The following XKR5 variants were observed in gnomAD, a reference collection of about 807,000 sequenced individuals.
The protein encoded by XKR5 is XK-related protein 5.
XKR5 carries 46 observed loss-of-function variants against 40.8 expected under a neutral mutation model. The ratio of observed to expected loss-of-function variants is 1.13; its 90% CI spans 0.89 to 1.44. The LOEUF (loss-of-function observed/expected upper bound fraction) is 1.44, where lower values mean the gene tolerates loss of function less well. XKR5 is among the 40% of genes most tolerant of loss of function. The pLI is 0.00. For synonymous variants in XKR5, 466 were observed against 356.1 expected, an observed-to-expected ratio of 1.31 and a Z score of -3.48; for missense variants, 1,169 against 844.7, an observed-to-expected ratio of 1.38 and a Z score of -4.76.
At chr8:6,821,827 G>A in intron 5 of XKR5, 42 bp downstream of exon 5, 1 of 1,586,114 alleles carries the variant, frequency 6.3e-7, no homozygotes, top group Non-Finnish European at 8.6e-7. Flanking sequence ...CCCACTTGCT[G>A]TATACACTGT....
intron 6 of XKR5, among the ~76,000 whole-genome samples, chr8:6,815,013 G>A (rs1280226661): frequency 6.6e-6 from 1 of 152,226 alleles, no homozygotes; most frequent in Non-Finnish European, 1.5e-5. Flanking sequence ...GGGAGGGCAG[G>A]AGTTGTTGCA....
chr8:6,830,095 T>G (rs992772251), intron 2 of XKR5, among the ~76,000 whole-genome samples: 1 of 151,704 alleles, frequency 6.6e-6, no homozygotes, highest in South Asian at 2.1e-4. Flanking sequence ...CCTCGGCCTC[T>G]CAAAGTGCTG....
At chr8:6,824,010 T>G (rs566940084) in intron 3 of XKR5, among the ~76,000 whole-genome samples, 7 of 152,340 alleles carry the variant, frequency 4.6e-5, no homozygotes, top group Admixed American at 3.9e-4. Context: ...GGCTGGACTC[T>G]TCCTTTCTAC....
At chr8:6,815,180 C>G (rs1455500264) in intron 6 of XKR5, among the ~76,000 whole-genome samples, 1 of 152,196 alleles carries the variant, frequency 6.6e-6, no homozygotes, top group African/African-American at 2.4e-5. Flanking sequence ...TCGCACCTTT[C>G]AAGTGGGGGG....
At position 6,823,639 on chromosome 8, in the gene XKR5, G is replaced by T. The variant is rs559310588; in HGVS notation, c.519C>A (p.Ala173=). The T allele has an allele frequency of 4.4e-6, 7 of 1,592,996 alleles. No individual in the cohort carries two copies. The African/African-American group carries it at 6.7e-5, about 15-fold the overall frequency. ...GGCAGAAGAGGGCGGCCCATGGCAT[G>T]GCCAGGTGGCCTGGCTTCATGAAGC... is the stretch of plus-strand genomic sequence containing the variant. ...FMGFMKPGHL[A]MPWAALFCQQ... Residue 173 remains alanine (A), a synonymous_variant, in exon 4 of 7, where the codon GCC becomes GCA. Coordinates refer to ENST00000618742, the MANE Select transcript of XKR5 (RefSeq NM_207411.5).
chr8:6,834,108 C>G (rs986324451), intron 1 of XKR5, among the ~76,000 whole-genome samples: 7 of 152,186 alleles, frequency 4.6e-5, no homozygotes, highest in African/African-American at 7.2e-5. Context: ...AACTCTGGGC[C>G]TCCCCAATAC....
At chr8:6,830,843 G>C (rs2978903) in intron 2 of XKR5, among the ~76,000 whole-genome samples, 66,353 of 151,974 alleles carry the variant, frequency 0.44, 16,370 homozygotes, top group Middle Eastern at 0.56. Flanking sequence ...AGAAAATTAA[G>C]AGTGCATGGG....
intron 3 of XKR5, among the ~76,000 whole-genome samples, chr8:6,824,649 G>T (rs1350435414): frequency 1.3e-5 from 2 of 152,128 alleles, no homozygotes; most frequent in African/African-American, 4.8e-5. Context: ...TACCACCTCA[G>T]CCTCTTGAAT....
rs143703803 is a variant in XKR5 at position 6,824,737 on chromosome 8, G to T, written c.427+428C>A. Among the ~76,000 whole-genome samples the T allele has an allele frequency of 1.6e-4, 25 of 152,158 alleles. 1 individual carries two copies. In the East Asian group the frequency reaches 4.8e-3, roughly 29 times the overall value. On this transcript the variant is annotated intron_variant, in intron 3 of 6. Coordinates refer to ENST00000618742, the MANE Select transcript of XKR5 (RefSeq NM_207411.5). ...GGTAGAGATGGGTTTTTGCCTGGCT[G>T]GTCTTGAGCTCCTGGGCTCAAGCAA...
intron 1 of XKR5, among the ~76,000 whole-genome samples, chr8:6,834,495 G>C (rs1274697762): frequency 1.3e-5 from 2 of 152,202 alleles, no homozygotes; most frequent in Non-Finnish European, 2.9e-5. Context: ...AGGACACCTG[G>C]GGTGGGTGCC....
In XKR5 at chr8:6,825,365, G is replaced by C; in HGVS notation, c.243-16C>G. On this transcript the variant is annotated splice_polypyrimidine_tract_variant and intron_variant, in intron 2 of 6. Coordinates refer to ENST00000618742, the MANE Select transcript of XKR5 (RefSeq NM_207411.5). ...GTCCCAGTGCCTAGGGAACAGCAGA[G>C]GGCACGTGACACGGAGCCAGGCTGT... is the stretch of plus-strand genomic sequence containing the variant. 6.6e-7 allele frequency: 1 copy of C among 1,515,440 alleles called. No homozygotes were observed. The highest frequency in any genetic ancestry group is 1.9e-4 in the Middle Eastern group (1 of 5,132). The allele number at this position is 1,515,440 out of a possible 1,614,324, so 93.9% of individuals were successfully genotyped here.
chr8:6,826,917 C>A (rs567210432), intron 2 of XKR5, among the ~76,000 whole-genome samples: 1 of 152,168 alleles, frequency 6.6e-6, no homozygotes, highest in African/African-American at 2.4e-5. Context: ...GCTCACCCAG[C>A]CTGGGTGGTC....
chr8:6,826,872 A>G (rs945006696), intron 2 of XKR5, among the ~76,000 whole-genome samples: 1 of 152,186 alleles, frequency 6.6e-6, no homozygotes, highest in Non-Finnish European at 1.5e-5. Flanking sequence ...TGTGGATTAC[A>G]GGATGGGGTG....
chr8:6,826,882 G>A (rs567720847), intron 2 of XKR5, among the ~76,000 whole-genome samples: 5 of 152,292 alleles, frequency 3.3e-5, no homozygotes, highest in South Asian at 2.1e-4. Flanking sequence ...AGGATGGGGT[G>A]GCCCAGGGCC....
intron 3 of XKR5, 100 bp downstream of exon 3, chr8:6,825,065 G>A: frequency 2.1e-6 from 3 of 1,432,924 alleles, no homozygotes; most frequent in Non-Finnish European, 2.9e-6. Flanking sequence ...ATGCTCCTAA[G>A]CAGAGGAAAT....
intron 5 of XKR5, among the ~76,000 whole-genome samples, chr8:6,817,609 C>G (rs562705879): frequency 6.6e-6 from 1 of 152,148 alleles, no homozygotes; most frequent in Non-Finnish European, 1.5e-5. Context: ...CCTGAGAAAG[C>G]GCAGTGCTGC....
chr8:6,823,625 G>T lies in XKR5; in HGVS notation c.533C>A (p.Ala178Asp), dbSNP rs753393060. The change falls in exon 4 of 7, where the codon GCC becomes GAC. Residue 178 changes from alanine (A) to aspartate (D), a missense_variant. Transcript: ENST00000618742. ...CCTCCAGAGCTGCTGGCAGAAGAGG[G>T]CGGCCCATGGCATGGCCAGGTGGCC... ...KPGHLAMPWA[A>D]LFCQQLWRMG... 6.3e-6 allele frequency: 10 copies of T among 1,593,214 alleles called. No homozygotes were observed. The Admixed American group carries it at 1.6e-4, about 25-fold the overall frequency.
chr8:6,820,178 A>G (rs530446236), intron 5 of XKR5, among the ~76,000 whole-genome samples: 1 of 152,374 alleles, frequency 6.6e-6, no homozygotes, highest in East Asian at 1.9e-4. Context: ...CATGTTCCCC[A>G]TCACATGCTG....
chr8:6,809,947 C>CA lies in XKR5; in HGVS notation c.*1250dup, dbSNP rs545361708. On this transcript the variant is annotated 3_prime_UTR_variant, in exon 7 of 7. Coordinates refer to ENST00000618742, the MANE Select transcript of XKR5 (RefSeq NM_207411.5). ...GCCACCTGGCAAGAACCTGTCTCTA[C>CA]AAAAAATACAAAAAAGTAGCCAGGC... The CA allele has an allele frequency of 3.3e-5, 5 of 152,030 alleles. No homozygotes were observed. The highest frequency in any genetic ancestry group is 7.3e-5 in the Non-Finnish European group (5 of 68,038). The allele number at this position is 152,030 out of a possible 1,614,324, so 9.4% of individuals were successfully genotyped here. A position where few individuals can be genotyped will look rare whatever the true frequency, so the allele number is the denominator to read the frequency against.
Sources: allele counts gnomAD v4.1 joint callset (sites outside exome capture counted in the v4.1 genomes callset), GRCh38; gene constraint gnomAD v4.1.1; transcripts MANE v1.5; gene names NCBI Gene and HGNC (gene_info 2026-07-23, HGNC 2026-07-21).